LOC131768270: variants seen among roughly 807,000 people sequenced by gnomAD.
the LOC131768270 span, chr5:140,567,886 C>T: frequency 4.3e-6 from 7 of 1,614,182 alleles, no homozygotes; most frequent in Admixed American, 3.3e-5. Context: ...ATGCTGGCGG[C>T]GGCTCTGGCC....
At chr5:140,566,751 G>A in the LOC131768270 span, 1 of 594,632 alleles carries the variant, frequency 1.7e-6, no homozygotes, top group East Asian at 2.8e-5. Flanking sequence ...GCTACGCAAG[G>A]GGCCCGACTA....
the LOC131768270 span, chr5:140,568,131 A>G: frequency 2.6e-4 from 422 of 1,613,104 alleles, no homozygotes; most frequent in Non-Finnish European, 3.3e-4. Flanking sequence ...CGCCTGTACT[A>G]TGGCAGCCGC....
chr5:140,566,093 C>T, the LOC131768270 span: 1 of 396,218 alleles, frequency 2.5e-6, no homozygotes, highest in Admixed American at 4.4e-5. Flanking sequence ...TCTCAGTCAC[C>T]CTAAGGACAA....
chr5:140,567,826 TC>T, the LOC131768270 span: 5 of 1,614,098 alleles, frequency 3.1e-6, no homozygotes, highest in Non-Finnish European at 4.2e-6. Context: ...CCCTGGCACT[TC>T]AGAACCTCTT....
the LOC131768270 span, chr5:140,567,674 C>T: frequency 1.2e-6 from 2 of 1,613,970 alleles, no homozygotes; most frequent in African/African-American, 1.3e-5. Flanking sequence ...GAACACCCTT[C>T]CCAGTCCCCC....
At chr5:140,566,808 G>GT in the LOC131768270 span, 2 of 602,216 alleles carry the variant, frequency 3.3e-6, no homozygotes, top group South Asian at 4.0e-5. Flanking sequence ...CAGCCTTCAG[G>GT]TGGAGACACT....
the LOC131768270 span, chr5:140,567,203 G>T: frequency 6.2e-7 from 1 of 1,613,234 alleles, no homozygotes; most frequent in Non-Finnish European, 8.5e-7. Flanking sequence ...GCCAGGCCTG[G>T]GCCGTCCCAG....
the LOC131768270 span, chr5:140,568,420 T>G: frequency 5.9e-6 from 3 of 506,574 alleles, no homozygotes; most frequent in Non-Finnish European, 7.3e-6. Flanking sequence ...GTAACATCAA[T>G]ACCTAGGCCT....
At chr5:140,565,764 A>G in the LOC131768270 span, 1 of 396,298 alleles carries the variant, frequency 2.5e-6, no homozygotes, top group East Asian at 3.6e-5. Flanking sequence ...TTTATAGGAA[A>G]AGGTCTTTCT....
the LOC131768270 span, chr5:140,568,033 G>C: frequency 6.2e-7 from 1 of 1,614,022 alleles, no homozygotes; most frequent in African/African-American, 1.3e-5. Context: ...GCTCGCTGGT[G>C]GTCAACGCCG....
At chr5:140,568,248 A>G in the LOC131768270 span, 3 of 1,568,914 alleles carry the variant, frequency 1.9e-6, no homozygotes, top group Admixed American at 1.8e-5. Flanking sequence ...CCCTGTAACA[A>G]GTGCCTTGTG....
the LOC131768270 span, among the ~76,000 whole-genome samples, chr5:140,566,301 G>A: frequency 5.9e-5 from 9 of 152,258 alleles, no homozygotes; most frequent in East Asian, 1.2e-3. Context: ...TGGAGAAACC[G>A]GCAGGGCTAG....
chr5:140,567,223 C>A, the LOC131768270 span: 1 of 1,614,192 alleles, frequency 6.2e-7, no homozygotes, highest in South Asian at 1.1e-5. Flanking sequence ...GGCAGGCCCG[C>A]TGGACCCTGA....
At chr5:140,567,672 T>C in the LOC131768270 span, 2 of 1,614,064 alleles carry the variant, frequency 1.2e-6, no homozygotes, top group Middle Eastern at 3.3e-4. Context: ...GGGAACACCC[T>C]TCCCAGTCCC....
At chr5:140,565,240 ATT>A in the LOC131768270 span, 1 of 253,308 alleles carries the variant, frequency 3.9e-6, no homozygotes, top group Admixed American at 5.5e-5. Flanking sequence ...CTTTGCATAC[ATT>A]CTGAATTTCA....
the LOC131768270 span, chr5:140,567,538 T>G: frequency 6.2e-7 from 1 of 1,614,076 alleles, no homozygotes; most frequent in African/African-American, 1.3e-5. Flanking sequence ...ATCTCAAGAT[T>G]GGAAGCACAG....
the LOC131768270 span, chr5:140,564,838 G>A: frequency 2.5e-6 from 1 of 403,596 alleles, no homozygotes; most frequent in Admixed American, 4.3e-5. The surrounding 1 kb of genome is among the most constrained non-coding windows in gnomAD (Gnocchi z 5.0). Context: ...AAGTTCGGCG[G>A]GGAAGATGGC....
chr5:140,566,954 T>A, the LOC131768270 span: 2 of 735,620 alleles, frequency 2.7e-6, no homozygotes, highest in South Asian at 3.0e-5. Context: ...CCTTCCTAGC[T>A]CCATGGGACT....
At chr5:140,568,225 C>G in the LOC131768270 span, 7 of 1,602,640 alleles carry the variant, frequency 4.4e-6, no homozygotes, top group Admixed American at 3.4e-5. Flanking sequence ...CTTCCTCCCT[C>G]TCCCATCAGC....
Sources: allele counts gnomAD v4.1 joint callset (sites outside exome capture counted in the v4.1 genomes callset), GRCh38; gene constraint gnomAD v4.1.1; non-coding constraint Gnocchi (gnomAD v3.1); transcripts MANE v1.5.